The following NQO1 variants were observed in gnomAD, a reference collection of about 807,000 sequenced individuals.
The protein encoded by NQO1 is NAD(P)H dehydrogenase [quinone] 1.
In NQO1, 30 loss-of-function variants were observed where a neutral mutation model predicts 32.1. The ratio of observed to expected loss-of-function variants is 0.94; its 90% CI spans 0.70 to 1.27. NQO1 has a LOEUF of 1.27. NQO1 is among the 50% of genes most tolerant of loss of function. The pLI, the probability that NQO1 is intolerant of heterozygous loss-of-function variation, is 0.00. For missense variants in NQO1, 276 were observed against 331.3 expected, an observed-to-expected ratio of 0.83 and a Z score of 1.30; for synonymous variants, 109 against 119.7, an observed-to-expected ratio of 0.91 and a Z score of 0.59.
intron 5 of NQO1, 97 bp from the exon 6 acceptor site, chr16:69,711,378 C>CG (rs2038038981): frequency 9.8e-7 from 1 of 1,024,894 alleles, no homozygotes; most frequent in Non-Finnish European, 1.4e-6. Context: ...GTAAGACACT[C>CG]TGATAAGGAG....
At chr16:69,722,733 T>C (rs1304209427) in intron 1 of NQO1, among the ~76,000 whole-genome samples, 1 of 152,186 alleles carries the variant, frequency 6.6e-6, no homozygotes, top group Non-Finnish European at 1.5e-5. Flanking sequence ...CTGGAAGTGA[T>C]TGACTTGCTT....
At position 69,714,982 on chromosome 16, in the gene NQO1, A is replaced by G; in HGVS notation, c.399T>C (p.Tyr133=). ...GEFAYTYAAM[Y]DKGPFRSKKA... ...CACCTACCCGGAAGGGTCCTTTGTC[A>G]TACATGGCAGCGTAAGTGTAAGCAA... Residue 133 remains tyrosine (Y), a synonymous_variant, in exon 4 of 6, where the codon TAT becomes TAC. Coordinates refer to ENST00000320623, the MANE Select transcript of NQO1 (RefSeq NM_000903.3). 3 of 1,613,554 alleles carry G rather than the reference A, an allele frequency of 1.9e-6. No individual in the cohort carries two copies. Among genetic ancestry groups the G allele is most frequent in the Non-Finnish European group, 2.5e-6 (3 of 1,179,590 alleles).
chr16:69,721,410 A>G (rs1210140214), intron 1 of NQO1, among the ~76,000 whole-genome samples: 1 of 152,156 alleles, frequency 6.6e-6, no homozygotes, highest in Non-Finnish European at 1.5e-5. Flanking sequence ...CCCACCGTCT[A>G]TGTAAGGACG....
At chr16:69,714,764 A>G (rs900123027) in intron 4 of NQO1, among the ~76,000 whole-genome samples, 200 bp downstream of exon 4, 4 of 152,114 alleles carry the variant, frequency 2.6e-5, no homozygotes, top group African/African-American at 9.6e-5. Context: ...CTGTAATCCC[A>G]GCTACTCGGG....
At chr16:69,721,144 G>A (rs1044372242) in intron 1 of NQO1, among the ~76,000 whole-genome samples, 2 of 151,604 alleles carry the variant, frequency 1.3e-5, no homozygotes, top group Non-Finnish European at 2.9e-5. Flanking sequence ...GCCTGCCTCA[G>A]CCTCCTACAA....
chr16:69,714,874 CA>C, intron 4 of NQO1, 89 bp downstream of exon 4: 1 of 893,154 alleles, frequency 1.1e-6, no homozygotes, highest in East Asian at 2.6e-5. Context: ...AGGGAAGCTC[CA>C]TCTCAAACAA....
At position 69,718,257 on chromosome 16, in the gene NQO1, C is replaced by A. The variant is rs1475381201; in HGVS notation, c.173-4G>T. 1.2e-6 allele frequency: 2 copies of A among 1,613,830 alleles called. No homozygotes were observed. Among genetic ancestry groups the A allele is most frequent in the South Asian group, 2.2e-5 (2 of 91,074 alleles). Reference sequence around the variant, plus strand: ...TTCGCAGGGTCCTTCAGTTTACCTGCAGAGAAGAAAAAGAGAGGCTGGGGC... The same window carrying A: ...TTCGCAGGGTCCTTCAGTTTACCTGAAGAGAAGAAAAAGAGAGGCTGGGGC... On this transcript the variant is annotated splice_polypyrimidine_tract_variant and splice_region_variant and intron_variant, in intron 2 of 5. Coordinates refer to ENST00000320623, the MANE Select transcript of NQO1 (RefSeq NM_000903.3).
In NQO1 at chr16:69,711,164, C is replaced by A. The variant is rs773938524; in HGVS notation, c.637G>T (p.Glu213Ter). The A allele has an allele frequency of 1.2e-6, 2 of 1,614,182 alleles. No individual in the cohort carries two copies. Among genetic ancestry groups the A allele is most frequent in the South Asian group, 2.2e-5 (2 of 91,078 alleles). Reference protein sequence around the residue: ...QILEGWKKRLENIWDETPLYF... With the variant: ...QILEGWKKRL ...AGTGGTGTCTCATCCCAAATATTCT[C>A]CAGGCGTTTCTTCCATCCTTCCAGG... Residue 213 changes from glutamate (E) to a stop codon, truncating the protein, a stop_gained, in exon 6 of 6, where the codon GAG becomes TAG. Coordinates refer to ENST00000320623, the MANE Select transcript of NQO1 (RefSeq NM_000903.3). LOFTEE classifies it high-confidence loss of function.
At chr16:69,714,438 T>C (rs1434037908) in intron 4 of NQO1, among the ~76,000 whole-genome samples, 6 of 151,718 alleles carry the variant, frequency 4.0e-5, no homozygotes, top group African/African-American at 7.3e-5. Context: ...CCCAAAGTGC[T>C]GAAATTACAG....
chr16:69,717,322 C>G (rs971836782), intron 3 of NQO1, among the ~76,000 whole-genome samples: 4 of 152,182 alleles, frequency 2.6e-5, no homozygotes, highest in African/African-American at 9.7e-5. Flanking sequence ...TGGTTTGCTG[C>G]AGGAACACAT....
At position 69,714,971 on chromosome 16, in the gene NQO1, G is replaced by A. The variant is rs759408233; in HGVS notation, c.410C>T (p.Pro137Leu). The change falls in exon 4 of 6, where the codon CCC becomes CTC. Residue 137 changes from proline (P) to leucine (L), a missense_variant. Pro to Leu is a moderately conservative substitution (Grantham distance 98). Coordinates refer to ENST00000320623, the MANE Select transcript of NQO1 (RefSeq NM_000903.3). ...YTYAAMYDKG[P>L]FRSKKAVLSI... ...TCAGAACCATCCACCTACCCGGAAGGGTCCTTTGTCATACATGGCAGCGTA... is the reference window on the plus strand; with the variant it reads ...TCAGAACCATCCACCTACCCGGAAGAGTCCTTTGTCATACATGGCAGCGTA... 28 of 1,611,434 alleles carry A rather than the reference G, an allele frequency of 1.7e-5. No homozygotes were observed. The highest frequency in any genetic ancestry group is 2.2e-5 in the East Asian group (1 of 44,856).
At chr16:69,723,925 A>G (rs1437135) in intron 1 of NQO1, among the ~76,000 whole-genome samples, 35,835 of 152,014 alleles carry the variant, frequency 0.24, 4,578 homozygotes, top group East Asian at 0.45. Flanking sequence ...GAGTTAGACT[A>G]TTAGAGTTTA....
intron 1 of NQO1, among the ~76,000 whole-genome samples, chr16:69,721,356 G>C (rs2038186959): frequency 6.6e-6 from 1 of 152,122 alleles, no homozygotes; most frequent in Non-Finnish European, 1.5e-5. Context: ...CATAAAAGAG[G>C]CTTCGCCCAG....
chr16:69,720,460 AAAG>A (rs2038174238), intron 1 of NQO1, among the ~76,000 whole-genome samples: 1 of 152,056 alleles, frequency 6.6e-6, no homozygotes. Context: ...AAAAAGAAAA[AAAG>A]AAATGACATA....
chr16:69,723,050 C>A (rs2038214147), intron 1 of NQO1, among the ~76,000 whole-genome samples: 1 of 152,140 alleles, frequency 6.6e-6, no homozygotes. Flanking sequence ...GCCTCAGCCT[C>A]CAGAGTAGCT....
chr16:69,710,340 T>G lies in NQO1; in HGVS notation c.*636A>C, dbSNP rs35936271. On this transcript the variant is annotated 3_prime_UTR_variant, in exon 6 of 6. Transcript: ENST00000320623. ...AGAGCAAGACTGCTTCAAAAAAAAA[T>G]TTTTTTTAATTAAAAAAAAAGTAGA... The G allele has an allele frequency of 6.6e-6, 1 of 151,392 alleles. No homozygotes were observed. The highest frequency in any genetic ancestry group is 2.1e-4 in the South Asian group (1 of 4,768). The allele number at this position is 151,392 out of a possible 1,614,324, so 9.4% of individuals were successfully genotyped here.
chr16:69,717,886 C>T, intron 3 of NQO1: 1 of 492,760 alleles, frequency 2.0e-6, no homozygotes, highest in Non-Finnish European at 3.5e-6. Flanking sequence ...GCTGGGATTA[C>T]AGGCGTGAGC....
At chr16:69,725,861 C>T (rs1470913524) in intron 1 of NQO1, among the ~76,000 whole-genome samples, 1 of 145,514 alleles carries the variant, frequency 6.9e-6, no homozygotes, top group Non-Finnish European at 1.5e-5. Flanking sequence ...GCGACAAGAG[C>T]AAAACTCCGT....
intron 1 of NQO1, among the ~76,000 whole-genome samples, chr16:69,723,524 G>A (rs185528548): frequency 1.5e-4 from 23 of 151,714 alleles, no homozygotes; most frequent in South Asian, 4.2e-4. Flanking sequence ...TGGGTGGGTC[G>A]CGGTGGCTCA....
Sources: gnomAD v4.1 joint callset for allele counts (sites outside exome capture counted in the v4.1 genomes callset) on GRCh38, gnomAD v4.1.1 for gene constraint, MANE v1.5 for transcripts, NCBI Gene and HGNC (gene_info 2026-07-23, HGNC 2026-07-21) for gene names.